SCN9A: variants seen among roughly 807,000 people sequenced by gnomAD.
The protein encoded by SCN9A is sodium channel protein type 9 subunit alpha.
SCN9A carries 131 observed loss-of-function variants against 187.0 expected under a neutral mutation model. That is an observed-to-expected ratio of 0.70 (90% CI 0.61 to 0.81). The LOEUF (loss-of-function observed/expected upper bound fraction) is 0.81, where lower values mean the gene tolerates loss of function less well. Among genes scored for constraint, SCN9A ranks in the 30% least tolerant of loss-of-function variants. SCN9A has a pLI of 0.00. For synonymous variants in SCN9A, 809 were observed against 808.6 expected (o/e 1.00, Z -0.01); for missense variants, 2,252 against 2,396.6 (o/e 0.94, Z 1.26).
intron 23 of SCN9A, among the ~76,000 whole-genome samples, 179 bp from the exon 24 acceptor site, chr2:166,226,883 T>C (rs562619702): frequency 6.6e-6 from 1 of 152,166 alleles, no homozygotes; most frequent in South Asian, 2.1e-4. Context: ...CATGTATTCA[T>C]TACATACTTA....
chr2:166,323,857 T>G (rs1285862104), intron 1 of SCN9A, among the ~76,000 whole-genome samples: 1 of 151,936 alleles, frequency 6.6e-6, no homozygotes, highest in Non-Finnish European at 1.5e-5. Context: ...GATAATTCCT[T>G]TAAACAGTAT....
rs1396492679 is a variant in SCN9A, at chr2:166,198,921, C to T, written c.5718G>A (p.Arg1906=). 1.9e-6 allele frequency: 3 copies of T among 1,613,814 alleles called. No individual in the cohort carries two copies. Among genetic ancestry groups the T allele is most frequent in the South Asian group, 2.2e-5 (2 of 91,078 alleles). ...IQRAYRRYRL[R]QNVKNISSIY... is the part of the protein sequence containing the mutation. ...TACTTGATATATTTTTGACATTTTG[C>T]CTTAAGCGGTAACGTCTATAAGCAC... is the stretch of plus-strand genomic sequence containing the variant. The change falls in exon 27 of 27, where the codon AGG becomes AGA. Residue 1906 remains arginine, a synonymous_variant. Transcript: ENST00000642356.
intron 1 of SCN9A, among the ~76,000 whole-genome samples, chr2:166,365,363 T>C (rs1010679143): frequency 1.3e-5 from 2 of 152,180 alleles, no homozygotes; most frequent in African/African-American, 4.8e-5. Flanking sequence ...TAGAAACTTC[T>C]CAAACATTTT....
intron 9 of SCN9A, among the ~76,000 whole-genome samples, chr2:166,289,637 T>C (rs1490603788): frequency 6.6e-6 from 1 of 152,208 alleles, no homozygotes; most frequent in Non-Finnish European, 1.5e-5. Context: ...AGTGCCACAA[T>C]AAACATATGT....
In SCN9A at chr2:166,301,909, A is replaced by C. The variant is rs574362566; in HGVS notation, c.901+1181T>G. On this transcript the variant is annotated intron_variant, in intron 7 of 26. Transcript: ENST00000642356. ...TAAAAATATATATGCTAAACATTTT[A>C]CTTCAAAACTTTCAGTTTTCTTGTT... The C allele has an allele frequency of 6.0e-5, 9 of 151,138 alleles. 1 individual carries two copies. The highest frequency in any genetic ancestry group is 2.2e-4 in the African/African-American group (9 of 40,432). The allele number at this position is 151,138 out of a possible 1,614,324, so 9.4% of individuals were successfully genotyped here.
rs566753027 is a variant in SCN9A, at chr2:166,216,737, G to A, written c.4398+9830C>T. ...AAGTTGATTTAAAAAAACTGAGGAA[G>A]ACACAAATAAATTGTAATATATTTC... On this transcript the variant is annotated intron_variant, in intron 24 of 26. Transcript: ENST00000642356. Among the ~76,000 whole-genome samples the A allele has an allele frequency of 9.9e-5, 15 of 152,052 alleles. No individual in the cohort carries two copies. In the East Asian group the frequency reaches 2.3e-3, roughly 24 times the overall value.
intron 18 of SCN9A, among the ~76,000 whole-genome samples, chr2:166,247,770 G>T (rs533858814): frequency 6.6e-6 from 1 of 152,026 alleles, no homozygotes; most frequent in South Asian, 2.1e-4. Context: ...GTTATTTTTC[G>T]CTAACTCTAA....
intron 17 of SCN9A, among the ~76,000 whole-genome samples, chr2:166,253,990 C>T (rs1696158499): frequency 1.3e-5 from 2 of 151,750 alleles, no homozygotes; most frequent in African/African-American, 4.8e-5. Flanking sequence ...AATTGGTTTT[C>T]TCACTGTTTA....
chr2:166,369,286 T>G (rs1700494636), intron 1 of SCN9A, among the ~76,000 whole-genome samples: 1 of 152,108 alleles, frequency 6.6e-6, no homozygotes, highest in South Asian at 2.1e-4. Flanking sequence ...TTGGGAAAAA[T>G]AAACTTCCTT....
chr2:166,353,740 G>A (rs2105302837), intron 1 of SCN9A, among the ~76,000 whole-genome samples: 1 of 152,052 alleles, frequency 6.6e-6, no homozygotes, highest in Non-Finnish European at 1.5e-5. Flanking sequence ...CATATCTCCA[G>A]TCTGCTTTGA....
At chr2:166,333,407 C>T (rs1171251389) in intron 1 of SCN9A, among the ~76,000 whole-genome samples, 1 of 152,052 alleles carries the variant, frequency 6.6e-6, no homozygotes, top group Non-Finnish European at 1.5e-5. Flanking sequence ...AGCCTATGTT[C>T]CCCCTACAAT....
intron 4 of SCN9A, 76 bp downstream of exon 4, chr2:166,306,434 T>C: frequency 1.2e-6 from 1 of 849,188 alleles, no homozygotes. Context: ...ATAAATGCAG[T>C]AACTTCCTGG....
intron 24 of SCN9A, among the ~76,000 whole-genome samples, chr2:166,222,210 A>G (rs1034943667): frequency 2.0e-5 from 3 of 152,258 alleles, no homozygotes; most frequent in Non-Finnish European, 2.9e-5. Context: ...TTCCAACTAT[A>G]TATCTAATAA....
At position 166,199,856 on chromosome 2, in the gene SCN9A, G is replaced by C; in HGVS notation, c.4783C>G (p.Leu1595Val). ...AAATACGTTTCAATCAAATCAGCTA[G>C]AAACATACCTGTATGTGGAGGAAAA... ...VVIISIVGMF[L>V]ADLIETYFVS... The change falls in exon 27 of 27, where the codon CTA becomes GTA. Residue 1595 changes from leucine to valine, a missense_variant. Leu to Val is a conservative substitution (Grantham distance 32). This residue lies in a region of SCN9A where 368 missense variants were observed against 408.6 expected (regional missense o/e 0.90). Coordinates refer to ENST00000642356, the MANE Select transcript of SCN9A (RefSeq NM_001365536.1). 1.9e-6 allele frequency: 3 copies of C among 1,612,414 alleles called. No homozygotes were observed. Among genetic ancestry groups the C allele is most frequent in the Non-Finnish European group, 2.5e-6 (3 of 1,179,322 alleles).
In SCN9A at chr2:166,286,364, T is replaced by C. The variant is rs1334742005; in HGVS notation, c.1574A>G (p.His525Arg). 2.5e-6 allele frequency: 4 copies of C among 1,611,538 alleles called. No individual in the cohort carries two copies. The highest frequency in any genetic ancestry group is 3.4e-6 in the Non-Finnish European group (4 of 1,179,264). ...ATTGGGGGTAGACAACCTCTTTTCA[T>C]GTGCTCGCCTATGCCCTTCGACACC... ...HLGVEGHRRA[H>R]EKRLSTPNQS... The change falls in exon 11 of 27, where the codon CAT (histidine) becomes CGT (arginine). Residue 525 changes from histidine to arginine, a missense_variant. Around this residue, in one of 7 missense-constraint regions of SCN9A, gnomAD observed 1,013 missense variants for 997.4 expected, o/e 1.02. Coordinates refer to ENST00000642356, the MANE Select transcript of SCN9A (RefSeq NM_001365536.1).
intron 24 of SCN9A, among the ~76,000 whole-genome samples, chr2:166,211,082 C>T (rs1694070289): frequency 6.9e-6 from 1 of 145,304 alleles, no homozygotes; most frequent in Non-Finnish European, 1.5e-5. Context: ...GAAAGAAAGT[C>T]TCCACTAGAG....
intron 17 of SCN9A, among the ~76,000 whole-genome samples, chr2:166,269,495 T>A (rs1215278871): frequency 6.6e-6 from 1 of 152,022 alleles, no homozygotes; most frequent in Non-Finnish European, 1.5e-5. Context: ...GAGCTATAAG[T>A]CACAAGCCTA....
At chr2:166,283,614 G>A (rs1352642031) in intron 12 of SCN9A, among the ~76,000 whole-genome samples, 2 of 152,134 alleles carry the variant, frequency 1.3e-5, no homozygotes, top group African/African-American at 2.4e-5. Flanking sequence ...TGGAACTGCT[G>A]TAAAATGATT....
In SCN9A at chr2:166,210,317, G is replaced by A. The variant is rs189876735; in HGVS notation, c.4399-5853C>T. On this transcript the variant is annotated intron_variant, in intron 24 of 26. Transcript: ENST00000642356. ...ACCAGGGCCTGTTGTGGGGTGGGGG[G>A]AGGAGGGGGATATACCTAACATTAG... Among the ~76,000 whole-genome samples the A allele has an allele frequency of 1.1e-3, 162 of 152,068 alleles. 2 individuals are homozygous for A. Among genetic ancestry groups the A allele is most frequent in the Admixed American group, 4.8e-3 (74 of 15,276 alleles).
Sources: allele counts gnomAD v4.1 joint callset (sites outside exome capture counted in the v4.1 genomes callset), GRCh38; gene constraint gnomAD v4.1.1; regional missense constraint gnomAD v4.1.1; transcripts MANE v1.5; gene names NCBI Gene and HGNC (gene_info 2026-07-23, HGNC 2026-07-21).